Variants in TRAF2 observed in about 807,000 individuals in gnomAD.
TRAF2 encodes the protein TNF receptor-associated factor 2.
In TRAF2, 6 loss-of-function variants were observed where a neutral mutation model predicts 55.6. The ratio of observed to expected loss-of-function variants is 0.11; its 90% CI spans 0.06 to 0.21. TRAF2 has a LOEUF of 0.21. Among genes scored for constraint, TRAF2 ranks in the 10% least tolerant of loss-of-function variants. TRAF2 has a pLI of 1.00. For missense variants in TRAF2, 561 were observed against 684.5 expected (o/e 0.82, Z 2.01); for synonymous variants, 329 against 276.3 (o/e 1.19, Z -1.89).
At chr9:136,891,724 CT>C (rs35674360) in intron 1 of TRAF2, among the ~76,000 whole-genome samples, 273 of 144,378 alleles carry the variant, frequency 1.9e-3, no homozygotes, top group Middle Eastern at 3.6e-3. Flanking sequence ...CACCCTGAAT[CT>C]TTTTTTTTTT....
chr9:136,922,651 C>T (rs377464868), intron 9 of TRAF2, among the ~76,000 whole-genome samples: 3 of 61,830 alleles, frequency 4.9e-5, no homozygotes, highest in South Asian at 6.0e-4. Flanking sequence ...CGGTGGAGGA[C>T]GAGGATGGGG....
upstream of TRAF2, chr9:136,882,719 C>T: frequency 1.0e-6 from 1 of 985,514 alleles, no homozygotes; most frequent in Non-Finnish European, 1.2e-6. Flanking sequence ...GAGTGAGTCA[C>T]CCCTTTCCAG....
chr9:136,903,007 T>TC (rs1849857558), intron 4 of TRAF2, among the ~76,000 whole-genome samples: 1 of 152,146 alleles, frequency 6.6e-6, no homozygotes, highest in Non-Finnish European at 1.5e-5. Flanking sequence ...TGCTCTGTTG[T>TC]CCAGGCTAGA....
chr9:136,917,089 G>A (rs768742211), intron 7 of TRAF2, among the ~76,000 whole-genome samples: 21 of 152,122 alleles, frequency 1.4e-4, no homozygotes, highest in Non-Finnish European at 2.5e-4. Flanking sequence ...CAGAGGTCTC[G>A]TCTACCCTCA....
rs1209690428 is a variant in TRAF2 at position 136,925,590 on chromosome 9, C to T, written c.1288-93C>T. 2.3e-6 allele frequency: 3 copies of T among 1,322,762 alleles called. No homozygotes were observed. In the South Asian group the frequency reaches 4.0e-5, roughly 17 times the overall value. 81.9% of individuals were successfully genotyped at this position (1,322,762 alleles called of 1,614,324 possible). A position where few individuals can be genotyped will look rare whatever the true frequency, so the allele number is the denominator to read the frequency against. On this transcript the variant is annotated intron_variant, in intron 10 of 10. Transcript: ENST00000247668. ...TCTGGCCTGGGTCCTGGGATGGCCT[C>T]CTGCTGGTGGCCCTGCCAGTGTCCA...
intron 1 of TRAF2, chr9:136,889,645 C>T (rs1849532847): frequency 6.6e-6 from 1 of 152,144 alleles, no homozygotes; most frequent in South Asian, 2.1e-4. Flanking sequence ...TATTTTTATA[C>T]CTGAGGTCTT....
chr9:136,908,291 C>T, intron 5 of TRAF2, 60 bp downstream of exon 5: 1 of 1,482,652 alleles, frequency 6.7e-7, no homozygotes, highest in Non-Finnish European at 8.9e-7. Flanking sequence ...AGCTGGGGAG[C>T]TGCGTGCTGG....
chr9:136,916,510 A>G (rs1198780849), intron 6 of TRAF2, 31 bp from the exon 7 acceptor site: 1 of 1,607,398 alleles, frequency 6.2e-7, no homozygotes, highest in Non-Finnish European at 8.5e-7. Context: ...AGAACAGAGA[A>G]AGATGGCTCT....
chr9:136,899,176 TTTTA>T (rs1294998444), intron 2 of TRAF2, among the ~76,000 whole-genome samples: 1 of 152,216 alleles, frequency 6.6e-6, no homozygotes, highest in African/African-American at 2.4e-5. Context: ...AATTTTATCT[TTTTA>T]TTATTTTTAA....
At chr9:136,883,561 G>C (rs1849398206), upstream of TRAF2, among the ~76,000 whole-genome samples, 4 of 152,116 alleles carry the variant, frequency 2.6e-5, no homozygotes, top group South Asian at 8.3e-4. Flanking sequence ...CTGTCACCCA[G>C]GGTGGAATGC....
chr9:136,891,734 T>C (rs1056066961), intron 1 of TRAF2, among the ~76,000 whole-genome samples: 3 of 151,976 alleles, frequency 2.0e-5, no homozygotes, highest in Non-Finnish European at 2.9e-5. Context: ...CTTTTTTTTT[T>C]TTTTGAGACG....
chr9:136,922,548 G>A (rs1850411931), intron 9 of TRAF2: 1 of 155,960 alleles, frequency 6.4e-6, no homozygotes. Context: ...GGTGAACACA[G>A]CTTGTGTGCG....
chr9:136,882,816 G>A, upstream of TRAF2: 1 of 883,506 alleles, frequency 1.1e-6, no homozygotes, highest in Non-Finnish European at 1.4e-6. Flanking sequence ...CAATCAGTGT[G>A]TGCCTCTGCC....
At position 136,926,149 on chromosome 9, in the gene TRAF2, G is replaced by A. The variant is rs368146215; in HGVS notation, c.*248G>A. 162 of 682,530 alleles carry A rather than the reference G, an allele frequency of 2.4e-4. No individual in the cohort carries two copies. The highest frequency in any genetic ancestry group is 6.8e-4 in the South Asian group (46 of 67,168). 42.3% of individuals were successfully genotyped at this position (682,530 alleles called of 1,614,324 possible). A position where few individuals can be genotyped will look rare whatever the true frequency, so the allele number is the denominator to read the frequency against. On this transcript the variant is annotated 3_prime_UTR_variant, in exon 11 of 11. Transcript: ENST00000247668. Reference sequence around the variant, plus strand: ...GCCAAGGGCTGTGGTGGCATTGGCCGAGGGTCTTCGGGTGCTTCCCAGCAC... The same window carrying A: ...GCCAAGGGCTGTGGTGGCATTGGCCAAGGGTCTTCGGGTGCTTCCCAGCAC...
chr9:136,885,381 C>G (rs1849425944), upstream of TRAF2, among the ~76,000 whole-genome samples: 1 of 152,148 alleles, frequency 6.6e-6, no homozygotes, highest in African/African-American at 2.4e-5. Flanking sequence ...GTGTCCAGTG[C>G]TAGCCCGTGC....
At chr9:136,909,163 G>A (rs1212572863) in intron 5 of TRAF2, among the ~76,000 whole-genome samples, 1 of 151,194 alleles carries the variant, frequency 6.6e-6, no homozygotes, top group Non-Finnish European at 1.5e-5. Context: ...GTCCGTCCTC[G>A]CCAGGCCTGG....
intron 6 of TRAF2, among the ~76,000 whole-genome samples, chr9:136,914,835 C>T (rs1850202571): frequency 6.6e-6 from 1 of 152,022 alleles, no homozygotes; most frequent in East Asian, 1.9e-4. Context: ...CTCAGTATTC[C>T]ACGGAGGCCC....
chr9:136,916,226 T>C (rs900708817), intron 6 of TRAF2, among the ~76,000 whole-genome samples: 1 of 152,106 alleles, frequency 6.6e-6, no homozygotes, highest in Non-Finnish European at 1.5e-5. Flanking sequence ...CCCTGAGGCC[T>C]CAGCACCGCA....
intron 4 of TRAF2, among the ~76,000 whole-genome samples, chr9:136,903,446 C>CTAGAAT (rs1383292738): frequency 1.2e-4 from 18 of 152,214 alleles, no homozygotes; most frequent in Non-Finnish European, 2.2e-4. Context: ...CAAGTATGCT[C>CTAGAAT]GGCCTCATGG....
Sources: gnomAD v4.1 joint callset for allele counts (sites outside exome capture counted in the v4.1 genomes callset) on GRCh38, gnomAD v4.1.1 for gene constraint, MANE v1.5 for transcripts, NCBI Gene and HGNC (gene_info 2026-07-23, HGNC 2026-07-21) for gene names.